The following OSBPL3 variants were observed in gnomAD, a reference collection of about 807,000 sequenced individuals.
OSBPL3 encodes the protein oxysterol binding protein like 3.
In OSBPL3, 65 loss-of-function variants were observed where a neutral mutation model predicts 120.1. That is an observed-to-expected ratio of 0.54 (90% CI 0.44 to 0.67). OSBPL3 has a LOEUF of 0.67. Ranked by LOEUF, OSBPL3 falls within the 30% of genes least tolerant of loss-of-function variation. The probability of loss-of-function intolerance (pLI) is 0.00; values close to 1 mark genes in which losing one functional copy is unlikely to be tolerated. For missense variants in OSBPL3, 1,004 were observed against 1,082.1 expected (o/e 0.93, Z 1.01); for synonymous variants, 416 against 402.6 (o/e 1.03, Z -0.40).
chr7:24,895,917 A>G (rs1274940848), intron 1 of OSBPL3, among the ~76,000 whole-genome samples: 2 of 152,234 alleles, frequency 1.3e-5, no homozygotes, highest in Non-Finnish European at 2.9e-5. Context: ...TTACACTTGC[A>G]AATACTCATA....
intron 1 of OSBPL3, among the ~76,000 whole-genome samples, chr7:24,971,900 C>T (rs1351374801): frequency 4.6e-5 from 7 of 152,270 alleles, no homozygotes; most frequent in South Asian, 2.1e-4. Flanking sequence ...CAACAAGCTC[C>T]GAAGGAAACC....
rs1013708617 is a variant in OSBPL3, at chr7:24,835,728, C to T, written c.1496-992G>A. 3.3e-5 allele frequency among the ~76,000 whole-genome samples: 5 copies of T among 152,230 alleles called. No homozygotes were observed. The highest frequency in any genetic ancestry group is 2.0e-4 in the Admixed American group (3 of 15,304). On this transcript the variant is annotated intron_variant, in intron 14 of 22. Transcript: ENST00000313367. This position sits in a 1 kb window ranked among gnomAD's most constrained non-coding sequence, Gnocchi z 4.8. Reference sequence around the variant, plus strand: ...TACATATACACCATGGAATACTGTGCAGCCATAAAAAAGAATGGGATCATA... The same window carrying T: ...TACATATACACCATGGAATACTGTGTAGCCATAAAAAAGAATGGGATCATA...
Position 24,972,517 on chromosome 7 carries a change from T to C in OSBPL3, c.-150+7369A>G, listed in dbSNP as rs1304641804. Among the ~76,000 whole-genome samples, 2 of 152,238 alleles carry C rather than the reference T, an allele frequency of 1.3e-5. No individual in the cohort carries two copies. Among genetic ancestry groups the C allele is most frequent in the African/African-American group, 4.8e-5 (2 of 41,462 alleles). The stretch of plus-strand genomic sequence containing the variant: ...TTAATGTCTATATCCCCTTCTAGTC[T>C]GTAAGCTCCTTGAAGGGAGGTTCCA... On this transcript the variant is annotated intron_variant, in intron 1 of 22. Transcript: ENST00000313367. The surrounding 1 kb of genome is among the most constrained non-coding windows in gnomAD (Gnocchi z 4.3).
chr7:24,914,831 GT>G (rs1163881112), intron 1 of OSBPL3, among the ~76,000 whole-genome samples: 1 of 152,168 alleles, frequency 6.6e-6, no homozygotes, highest in Admixed American at 6.5e-5. Flanking sequence ...ACTACAAACT[GT>G]GTCACCACAA....
At chr7:24,876,862 T>C (rs538793878) in intron 2 of OSBPL3, among the ~76,000 whole-genome samples, 2 of 152,302 alleles carry the variant, frequency 1.3e-5, no homozygotes, top group Admixed American at 6.5e-5. Context: ...TAGTGCATAG[T>C]AGATATTAAT....
At chr7:24,857,492 C>G (rs988538030) in intron 10 of OSBPL3, among the ~76,000 whole-genome samples, 2 of 152,068 alleles carry the variant, frequency 1.3e-5, no homozygotes, top group Non-Finnish European at 2.9e-5. Context: ...GTAAAATAAT[C>G]AAAGAAAATA....
intron 1 of OSBPL3, among the ~76,000 whole-genome samples, chr7:24,929,274 C>T (rs1255651960): frequency 6.6e-6 from 1 of 152,198 alleles, no homozygotes; most frequent in Non-Finnish European, 1.5e-5. Flanking sequence ...CTAAGGAACA[C>T]AGGCAATGTG....
chr7:24,887,796 GTCCT>G (rs1448871475), intron 2 of OSBPL3, among the ~76,000 whole-genome samples: 1 of 152,300 alleles, frequency 6.6e-6, no homozygotes, highest in African/African-American at 2.4e-5. Context: ...CAGCTGCAAA[GTCCT>G]TCTTAACACA....
At position 24,806,083 on chromosome 7, in the gene OSBPL3, A is replaced by G. The variant is rs1792997128; in HGVS notation, c.2444+693T>C. 6.6e-6 allele frequency among the ~76,000 whole-genome samples: 1 copy of G among 152,184 alleles called. No individual in the cohort carries two copies. The highest frequency in any genetic ancestry group is 2.1e-4 in the South Asian group (1 of 4,816). On this transcript the variant is annotated intron_variant, in intron 21 of 22. Coordinates refer to ENST00000313367, the MANE Select transcript of OSBPL3 (RefSeq NM_015550.4). This position sits in a 1 kb window ranked among gnomAD's most constrained non-coding sequence, Gnocchi z 5.2. The stretch of plus-strand genomic sequence containing the variant: ...GCAATTCTCGTGCCTCAGCCTCCCA[A>G]GTAGTTGGGACTACGGGCATGTGCC...
chr7:24,961,630 A>T (rs529641726), intron 1 of OSBPL3, among the ~76,000 whole-genome samples: 21 of 152,230 alleles, frequency 1.4e-4, no homozygotes, highest in African/African-American at 4.6e-4. Context: ...CAGACACCAG[A>T]TCTGCTGGTG....
chr7:24,810,867 A>C (rs1793710475), intron 19 of OSBPL3, among the ~76,000 whole-genome samples: 1 of 152,370 alleles, frequency 6.6e-6, no homozygotes. Context: ...CCTTCTTTTT[A>C]AAGGCTGAAC....
intron 1 of OSBPL3, among the ~76,000 whole-genome samples, chr7:24,979,566 C>G (rs1456220489): frequency 6.6e-6 from 1 of 152,232 alleles, no homozygotes; most frequent in Non-Finnish European, 1.5e-5. Flanking sequence ...CAGGACAGCT[C>G]CGCGCGCCGC....
rs1052462757 is a variant in OSBPL3 at position 24,922,585 on chromosome 7, G to A, written c.-149-29964C>T. On this transcript the variant is annotated intron_variant, in intron 1 of 22. Transcript: ENST00000313367. This position sits in a 1 kb window ranked among gnomAD's most constrained non-coding sequence, Gnocchi z 4.3. ...CCAAGGGAAGTGTGTAAAATGCCAG[G>A]CTGCTCTCCCTAACCTTTCCTCCAT... 2.6e-5 allele frequency among the ~76,000 whole-genome samples: 4 copies of A among 152,122 alleles called. No homozygotes were observed. The highest frequency in any genetic ancestry group is 7.2e-5 in the African/African-American group (3 of 41,422).
At chr7:24,920,362 A>G (rs1411666651) in intron 1 of OSBPL3, among the ~76,000 whole-genome samples, 1 of 152,254 alleles carries the variant, frequency 6.6e-6, no homozygotes, top group East Asian at 1.9e-4. Context: ...AAAACATTAC[A>G]CTAAGTGAAG....
intron 1 of OSBPL3, among the ~76,000 whole-genome samples, chr7:24,944,253 T>A (rs963608072): frequency 6.6e-6 from 1 of 152,136 alleles, no homozygotes; most frequent in Non-Finnish European, 1.5e-5. Flanking sequence ...AGCAAAGGCT[T>A]CTATTTTCTC....
At chr7:24,907,411 A>G (rs1808101468) in intron 1 of OSBPL3, among the ~76,000 whole-genome samples, 4 of 152,274 alleles carry the variant, frequency 2.6e-5, no homozygotes, top group African/African-American at 7.2e-5. Flanking sequence ...GAAAGCAGGC[A>G]TGAATAACTG....
intron 1 of OSBPL3, among the ~76,000 whole-genome samples, chr7:24,928,253 A>G (rs1213190730): frequency 2.0e-5 from 3 of 146,962 alleles, no homozygotes; most frequent in South Asian, 2.1e-4. Context: ...GTGCAGCAGC[A>G]CGATCTCAGC....
In OSBPL3 at chr7:24,851,440, T is replaced by C. The variant is rs1281325878; in HGVS notation, c.1158+1064A>G. Among the ~76,000 whole-genome samples, 1 of 152,232 alleles carries C rather than the reference T, an allele frequency of 6.6e-6. No individual in the cohort carries two copies. The highest frequency in any genetic ancestry group is 1.5e-5 in the Non-Finnish European group (1 of 68,042). On this transcript the variant is annotated intron_variant, in intron 11 of 22. Transcript: ENST00000313367. This position sits in a 1 kb window ranked among gnomAD's most constrained non-coding sequence, Gnocchi z 4.1. ...ATATGTGCTACTGGCAGAGGATTTATCACTAACATTATATTAAGAGCATCA... is the reference window on the plus strand; with the variant it reads ...ATATGTGCTACTGGCAGAGGATTTACCACTAACATTATATTAAGAGCATCA...
rs139913163 is a variant in OSBPL3 at position 24,894,160 on chromosome 7, T to TA, written c.-149-1540dup. The stretch of plus-strand genomic sequence containing the variant: ...TCATTAACACTTAGTTCTTCAAAAA[T>TA]AAAAAAGAGTACATTAAAGCAATAA... On this transcript the variant is annotated intron_variant, in intron 1 of 22. Transcript: ENST00000313367. This position sits in a 1 kb window ranked among gnomAD's most constrained non-coding sequence, Gnocchi z 4.1. Among the ~76,000 whole-genome samples the TA allele has an allele frequency of 0.039, 5,957 of 151,902 alleles. 362 individuals carry two copies. Among genetic ancestry groups the TA allele is most frequent in the African/African-American group, 0.13 (5,268 of 41,362 alleles).
Sources: gnomAD v4.1 joint callset for allele counts (sites outside exome capture counted in the v4.1 genomes callset) on GRCh38, gnomAD v4.1.1 for gene constraint, Gnocchi (gnomAD v3.1) non-coding constraint, MANE v1.5 for transcripts, NCBI Gene and HGNC (gene_info 2026-07-23, HGNC 2026-07-21) for gene names.